LRRC20: variants seen among roughly 807,000 people sequenced by gnomAD.
LRRC20 encodes leucine-rich repeat-containing protein 20.
Under a neutral mutation model 14.4 loss-of-function variants are expected in LRRC20, and 11 were observed. The ratio of observed to expected loss-of-function variants is 0.77; its 90% CI spans 0.48 to 1.27. The LOEUF (loss-of-function observed/expected upper bound fraction) is 1.27, where lower values mean the gene tolerates loss of function less well. LRRC20 is among the 50% of genes most tolerant of loss of function. The probability of loss-of-function intolerance (pLI) is 0.00; values close to 1 mark genes in which losing one functional copy is unlikely to be tolerated. For missense variants in LRRC20, 219 were observed against 251.2 expected (o/e 0.87, Z 0.87); for synonymous variants, 121 against 107.3 (o/e 1.13, Z -0.79).
intron 2 of LRRC20, among the ~76,000 whole-genome samples, chr10:70,340,961 A>AG (rs1185949407): frequency 6.6e-6 from 1 of 152,204 alleles, no homozygotes; most frequent in East Asian, 1.9e-4. Flanking sequence ...ACAGCCTACT[A>AG]GCCAGAATCG....
At chr10:70,328,756 A>G (rs1842422743) in intron 3 of LRRC20, among the ~76,000 whole-genome samples, 1 of 152,172 alleles carries the variant, frequency 6.6e-6, no homozygotes, top group Non-Finnish European at 1.5e-5. Flanking sequence ...TGTCTCTACT[A>G]AAAATACAAA....
intron 2 of LRRC20, among the ~76,000 whole-genome samples, chr10:70,349,988 A>C (rs1381961552): frequency 6.6e-6 from 1 of 152,202 alleles, no homozygotes; most frequent in Non-Finnish European, 1.5e-5. Flanking sequence ...CCCAGGAGTG[A>C]GCCACAGCAT....
intron 2 of LRRC20, among the ~76,000 whole-genome samples, chr10:70,368,312 C>A (rs1334178994): frequency 6.6e-6 from 1 of 151,874 alleles, no homozygotes; most frequent in Non-Finnish European, 1.5e-5. Context: ...CGCCCACCAC[C>A]ACGCCCGGCT....
At chr10:70,360,086 T>C (rs181339956) in intron 2 of LRRC20, among the ~76,000 whole-genome samples, 1,584 of 152,114 alleles carry the variant, frequency 0.01, 24 homozygotes, top group South Asian at 0.056. Context: ...CGGCTAATTT[T>C]TGTATTTTTA....
At chr10:70,333,888 G>T (rs1351573587) in intron 3 of LRRC20, among the ~76,000 whole-genome samples, 1 of 152,182 alleles carries the variant, frequency 6.6e-6, no homozygotes, top group Non-Finnish European at 1.5e-5. Flanking sequence ...TGTGGCTCAG[G>T]CCTATTATCC....
chr10:70,333,518 T>A (rs1478622475), intron 3 of LRRC20, among the ~76,000 whole-genome samples: 1 of 152,160 alleles, frequency 6.6e-6, no homozygotes, highest in Non-Finnish European at 1.5e-5. Context: ...AGTGATCCCA[T>A]CTCTGGGATT....
chr10:70,322,103 C>A (rs193125300), intron 4 of LRRC20, among the ~76,000 whole-genome samples: 2 of 125,050 alleles, frequency 1.6e-5, no homozygotes, highest in Non-Finnish European at 3.3e-5. Context: ...ACATAGACAC[C>A]CAGTCGACCC....
At chr10:70,346,541 G>A (rs939839525) in intron 2 of LRRC20, among the ~76,000 whole-genome samples, 48 of 152,104 alleles carry the variant, frequency 3.2e-4, no homozygotes, top group Admixed American at 2.6e-3. Context: ...TCTTTAAATA[G>A]TATTATCAAC....
chr10:70,338,695 C>T (rs1403533559), intron 3 of LRRC20, among the ~76,000 whole-genome samples: 5 of 152,208 alleles, frequency 3.3e-5, no homozygotes, highest in African/African-American at 1.2e-4. Context: ...TAGTCTTGCT[C>T]TGTCACCCAG....
intron 1 of LRRC20, 160 bp from the exon 2 acceptor site, chr10:70,376,756 C>G: frequency 1.8e-6 from 1 of 565,978 alleles, no homozygotes; most frequent in Non-Finnish European, 3.2e-6. Flanking sequence ...AGAGCTCAGG[C>G]CACATCCAGC....
intron 4 of LRRC20, among the ~76,000 whole-genome samples, chr10:70,305,270 G>C (rs955831991): frequency 6.6e-6 from 1 of 152,198 alleles, no homozygotes; most frequent in Non-Finnish European, 1.5e-5. Context: ...ATGGTCACTT[G>C]GGTTGTTCCC....
intron 2 of LRRC20, among the ~76,000 whole-genome samples, chr10:70,375,788 AACTGC>A (rs1418170569): frequency 1.3e-5 from 2 of 151,900 alleles, no homozygotes; most frequent in Non-Finnish European, 2.9e-5. Flanking sequence ...ACACACAGGT[AACTGC>A]ACTGTATCCC....
chr10:70,352,863 T>G (rs1032595982), intron 2 of LRRC20, among the ~76,000 whole-genome samples: 2 of 152,222 alleles, frequency 1.3e-5, no homozygotes, highest in Admixed American at 6.5e-5. Flanking sequence ...CTCCAGGACT[T>G]TTGCATCTTG....
Position 70,300,687 on chromosome 10 carries a change from C to CTG in LRRC20, c.*666_*667insCA, listed in dbSNP as rs1841139203. On this transcript the variant is annotated 3_prime_UTR_variant, in exon 5 of 5. Coordinates refer to ENST00000446961, the MANE Select transcript of LRRC20 (RefSeq NM_001278212.2). ...AATGACAGAGCTGACGTGACTTGCT[C>CTG]CCCATTCCCAGCCTGCTGGTCCTCG... The CTG allele has an allele frequency of 2.0e-6, 2 of 985,516 alleles. No individual in the cohort carries two copies. The highest frequency in any genetic ancestry group is 2.4e-6 in the Non-Finnish European group (2 of 830,092). 61.0% of individuals were successfully genotyped at this position (985,516 alleles called of 1,614,324 possible).
chr10:70,301,235 G>A lies in LRRC20; in HGVS notation c.*119C>T, dbSNP rs1046130645. On this transcript the variant is annotated 3_prime_UTR_variant, in exon 5 of 5. Coordinates refer to ENST00000446961, the MANE Select transcript of LRRC20 (RefSeq NM_001278212.2). ...AGACCAGCTGCACCCCACCCACCAC[G>A]TGCTGCTCGGCCCACCCGCCCCCAG... The A allele has an allele frequency of 3.4e-6, 5 of 1,462,574 alleles. No homozygotes were observed. In the South Asian group the frequency reaches 4.2e-5, roughly 12 times the overall value. 90.6% of individuals were successfully genotyped at this position (1,462,574 alleles called of 1,614,324 possible).
rs56304722 is a variant in LRRC20, at chr10:70,338,449, T to G, written c.232+2104A>C. ...TAAACAGGATCTTAGACCCTTTTCATATCCCTATCACGTAGAGCATTCCTA... is the reference window on the plus strand; with the variant it reads ...TAAACAGGATCTTAGACCCTTTTCAGATCCCTATCACGTAGAGCATTCCTA... On this transcript the variant is annotated intron_variant, in intron 3 of 4. Transcript: ENST00000446961. Among the ~76,000 whole-genome samples, 987 of 152,318 alleles carry G rather than the reference T, an allele frequency of 6.5e-3. 13 individuals carry two copies. Among genetic ancestry groups the G allele is most frequent in the African/African-American group, 0.023 (938 of 41,570 alleles).
intron 2 of LRRC20, among the ~76,000 whole-genome samples, chr10:70,346,144 TCAGGAGGCTGAGG>T (rs1843065739): frequency 6.6e-6 from 1 of 151,992 alleles, no homozygotes; most frequent in Non-Finnish European, 1.5e-5. Context: ...TCCCAGCTAC[TCAGGAGGCTGAGG>T]CAGGAGAACT....
At chr10:70,304,908 G>T (rs892558995) in intron 4 of LRRC20, among the ~76,000 whole-genome samples, 4 of 152,232 alleles carry the variant, frequency 2.6e-5, no homozygotes, top group Non-Finnish European at 4.4e-5. Flanking sequence ...AGAAATGCCA[G>T]CCACGGTGGC....
chr10:70,360,363 T>TTCC (rs372690258), intron 2 of LRRC20, among the ~76,000 whole-genome samples: 33 of 149,894 alleles, frequency 2.2e-4, no homozygotes, highest in African/African-American at 5.2e-4. Context: ...CCTCATTGCT[T>TTCC]TCCTCCTCCT....
Sources: gnomAD v4.1 joint callset for allele counts (sites outside exome capture counted in the v4.1 genomes callset) on GRCh38, gnomAD v4.1.1 for gene constraint, MANE v1.5 for transcripts, NCBI Gene and HGNC (gene_info 2026-07-23, HGNC 2026-07-21) for gene names.